DCDC1: variants seen among roughly 807,000 people sequenced by gnomAD.
DCDC1 encodes the protein doublecortin domain containing 1.
A neutral mutation model predicts 178.3 loss-of-function variants in DCDC1; 200 were observed. The ratio of observed to expected loss-of-function variants is 1.12; its 90% CI spans 1.00 to 1.26. The LOEUF (loss-of-function observed/expected upper bound fraction) is 1.26, where lower values mean the gene tolerates loss of function less well. DCDC1 is among the 50% of genes most tolerant of loss of function. The pLI is 0.00. For missense variants in DCDC1, 1,983 were observed against 1,749.2 expected (o/e 1.13, Z -2.38); for synonymous variants, 690 against 604.8 (o/e 1.14, Z -2.07).
intron 20 of DCDC1, among the ~76,000 whole-genome samples, chr11:30,970,747 C>T (rs537192597): frequency 2.2e-4 from 33 of 152,308 alleles, no homozygotes; most frequent in African/African-American, 7.2e-4. Flanking sequence ...AGGGCCACAG[C>T]ACAGCCACTG....
intron 20 of DCDC1, among the ~76,000 whole-genome samples, chr11:31,058,052 A>G (rs1955703074): frequency 6.6e-6 from 1 of 152,130 alleles, no homozygotes; most frequent in Admixed American, 6.6e-5. Flanking sequence ...ATACCATAAA[A>G]TAGTGTTTAG....
chr11:31,056,287 A>G, intron 20 of DCDC1, among the ~76,000 whole-genome samples: 1 of 152,238 alleles, frequency 6.6e-6, no homozygotes, highest in Middle Eastern at 3.4e-3. Context: ...GAGAGAAAAC[A>G]GGACACAGAA....
intron 9 of DCDC1, among the ~76,000 whole-genome samples, chr11:31,196,279 C>A (rs1970684611): frequency 6.6e-6 from 1 of 152,010 alleles, no homozygotes; most frequent in South Asian, 2.1e-4. Flanking sequence ...TTCCCTACAC[C>A]AACCAATCCT....
chr11:31,101,802 C>T (rs1344973217), intron 15 of DCDC1, among the ~76,000 whole-genome samples: 6 of 151,922 alleles, frequency 3.9e-5, no homozygotes, highest in African/African-American at 7.3e-5. Flanking sequence ...ACAGTCCAGG[C>T]GCAGTGGCTC....
At chr11:31,039,874 C>T (rs998969306) in intron 20 of DCDC1, among the ~76,000 whole-genome samples, 1 of 151,972 alleles carries the variant, frequency 6.6e-6, no homozygotes, top group Admixed American at 6.6e-5. Flanking sequence ...AAATAAAAGG[C>T]GATTTAGTTC....
At chr11:31,059,464 C>A (rs1210328366) in intron 20 of DCDC1, among the ~76,000 whole-genome samples, 2 of 151,966 alleles carry the variant, frequency 1.3e-5, no homozygotes, top group Admixed American at 6.6e-5. Flanking sequence ...CAGCATAAAA[C>A]AGCTAAAGGC....
intron 8 of DCDC1, among the ~76,000 whole-genome samples, chr11:31,248,104 G>A (rs1943705862): frequency 6.6e-6 from 1 of 151,962 alleles, no homozygotes; most frequent in Admixed American, 6.6e-5. Context: ...GTTAGTTTTA[G>A]GGAGGATAAT....
chr11:31,305,677 T>C lies in DCDC1; in HGVS notation c.692A>G (p.His231Arg), dbSNP rs1388282864. 13 of 1,613,802 alleles carry C rather than the reference T, an allele frequency of 8.1e-6. No individual in the cohort carries two copies. The highest frequency in any genetic ancestry group is 2.2e-5 in the East Asian group (1 of 44,880). ...CGTTGAAACATAAACATCGGCTTCA[T>C]GGGGTATATCTTCAGGTTCGAGGGC... ...KEALEPEDIP[H>R]EADVYVSTGE... Residue 231 changes from histidine (H) to arginine (R), a missense_variant, in exon 6 of 39, where the codon CAT (histidine) becomes CGT (arginine). Physicochemically the swap from His to Arg is conservative, Grantham distance 29. Coordinates refer to ENST00000684477, the MANE Select transcript of DCDC1 (RefSeq NM_001387274.1).
At chr11:30,869,524 C>G (rs1016331198) in intron 38 of DCDC1, among the ~76,000 whole-genome samples, 3 of 152,124 alleles carry the variant, frequency 2.0e-5, no homozygotes, top group Admixed American at 2.0e-4. Flanking sequence ...TTCTGAACAC[C>G]CTACTTTCAT....
chr11:31,167,808 C>T (rs1291425220), intron 9 of DCDC1, among the ~76,000 whole-genome samples: 1 of 152,166 alleles, frequency 6.6e-6, no homozygotes, highest in African/African-American at 2.4e-5. Flanking sequence ...TTTTAAAATA[C>T]TGATGCCTCT....
intron 9 of DCDC1, among the ~76,000 whole-genome samples, chr11:31,212,912 TA>T (rs1972765813): frequency 6.6e-6 from 1 of 152,146 alleles, no homozygotes; most frequent in Admixed American, 6.5e-5. Context: ...AGTAGCTATA[TA>T]TAACTGTTAT....
chr11:31,270,790 A>G (rs1414608608), intron 7 of DCDC1, among the ~76,000 whole-genome samples: 1 of 152,218 alleles, frequency 6.6e-6, no homozygotes, highest in African/African-American at 2.4e-5. Flanking sequence ...ATGTTCAAGC[A>G]TATCATCTTC....
rs1158468410 is a variant in DCDC1 at position 30,878,617 on chromosome 11, C to T, written c.5328G>A (p.Thr1776=). 3 of 1,609,624 alleles carry T rather than the reference C, an allele frequency of 1.9e-6. No individual in the cohort carries two copies. Among genetic ancestry groups the T allele is most frequent in the South Asian group, 2.2e-5 (2 of 90,450 alleles). ...GGAGATGTGCCAGAGACAGCAGCTT[C>T]GTGGATGGTGACACCACAATGTCTG... ...QATDIVVSPS[T]KLLSLAHLHN The change falls in exon 38 of 39, where the codon ACG becomes ACA. Residue 1776 remains threonine (T), a synonymous_variant. Transcript: ENST00000684477.
At position 30,900,385 on chromosome 11, in the gene DCDC1, T is replaced by C; in HGVS notation, c.4624A>G (p.Ile1542Val). 6.3e-7 allele frequency: 1 copy of C among 1,575,934 alleles called. No individual in the cohort carries two copies. Among genetic ancestry groups the C allele is most frequent in the Non-Finnish European group, 8.6e-7 (1 of 1,160,226 alleles). The change falls in exon 33 of 39, where the codon ATC becomes GTC. Residue 1542 changes from isoleucine (I) to valine (V), a missense_variant. Physicochemically the swap from Ile to Val is conservative, Grantham distance 29. Transcript: ENST00000684477. The part of the protein sequence containing the change: ...LTLILRNPIA[I>V]WVSCGEPFLP... ...AATGGTTCACCACAAGACACCCAGA[T>C]GGCAATAGGATTTCTGAGGATGAGG...
intron 20 of DCDC1, among the ~76,000 whole-genome samples, chr11:31,026,125 T>A (rs1208231269): frequency 6.6e-6 from 1 of 151,864 alleles, no homozygotes; most frequent in Admixed American, 6.6e-5. Flanking sequence ...TCATTGGGAA[T>A]TTGTATCTGT....
chr11:30,972,238 A>G (rs1476629333), intron 20 of DCDC1, among the ~76,000 whole-genome samples: 1 of 152,204 alleles, frequency 6.6e-6, no homozygotes, highest in Non-Finnish European at 1.5e-5. Context: ...AGAGAAAAGC[A>G]TCTAGTCACT....
rs1342997101 is a variant in DCDC1 at position 31,147,573 on chromosome 11, G to T, written c.1222-9789C>A. Reference sequence around the variant, plus strand: ...TATATTAACCATTATAATATATGAAGGACTTCTTTAAACTTGTGACATGAT... The same window carrying T: ...TATATTAACCATTATAATATATGAATGACTTCTTTAAACTTGTGACATGAT... On this transcript the variant is annotated intron_variant, in intron 9 of 38. Transcript: ENST00000684477. Among the ~76,000 whole-genome samples the T allele has an allele frequency of 3.9e-5, 6 of 152,220 alleles. No individual in the cohort carries two copies. In the East Asian group the frequency reaches 1.2e-3, roughly 29 times the overall value.
chr11:31,157,917 C>G (rs1392999346), intron 9 of DCDC1, among the ~76,000 whole-genome samples: 1 of 151,992 alleles, frequency 6.6e-6, no homozygotes, highest in Non-Finnish European at 1.5e-5. Context: ...ATTTAATCGA[C>G]AAATAAAATT....
intron 18 of DCDC1, among the ~76,000 whole-genome samples, chr11:31,071,535 G>A (rs1262200365): frequency 1.3e-5 from 2 of 152,106 alleles, no homozygotes; most frequent in East Asian, 3.9e-4. Flanking sequence ...TCATACCTTT[G>A]TGTAGCCCCT....
Sources: allele counts gnomAD v4.1 joint callset (sites outside exome capture counted in the v4.1 genomes callset), GRCh38; gene constraint gnomAD v4.1.1; transcripts MANE v1.5; gene names NCBI Gene and HGNC (gene_info 2026-07-23, HGNC 2026-07-21).